Variants in PDE4D observed in about 807,000 individuals in gnomAD.
PDE4D encodes phosphodiesterase 4D.
PDE4D carries 24 observed loss-of-function variants against 87.4 expected under a neutral mutation model. That is an observed-to-expected ratio of 0.27 (90% CI 0.20 to 0.39). The LOEUF is 0.39. Ranked by LOEUF, PDE4D falls within the 10% of genes least tolerant of loss-of-function variation. The pLI, the probability that PDE4D is intolerant of heterozygous loss-of-function variation, is 1.00. For missense variants in PDE4D, 714 were observed against 1,041.0 expected (o/e 0.69, Z 4.32); for synonymous variants, 384 against 383.2 (o/e 1.00, Z -0.02).
chr5:59,573,570 A>G (rs929276398), intron 1 of PDE4D, among the ~76,000 whole-genome samples: 2 of 152,084 alleles, frequency 1.3e-5, no homozygotes, highest in African/African-American at 4.8e-5. Flanking sequence ...CCTCATCTCC[A>G]TCATTCTCAT....
At chr5:59,498,355 A>T (rs1355386656) in intron 1 of PDE4D, among the ~76,000 whole-genome samples, 1 of 151,154 alleles carries the variant, frequency 6.6e-6, no homozygotes, top group Non-Finnish European at 1.5e-5. Flanking sequence ...CAAAATTAAT[A>T]TTGATATGTG....
intron 1 of PDE4D, among the ~76,000 whole-genome samples, chr5:59,455,735 G>A (rs918745287): frequency 1.3e-5 from 2 of 152,224 alleles, no homozygotes; most frequent in African/African-American, 4.8e-5. Context: ...AAACAGCCAG[G>A]AAGGAGGCTG....
chr5:60,469,701 T>G (rs1747671096), intron 1 of PDE4D, among the ~76,000 whole-genome samples: 1 of 152,176 alleles, frequency 6.6e-6, no homozygotes, highest in African/African-American at 2.4e-5. Flanking sequence ...TGATATGTGA[T>G]CAGTGATCTC....
intron 5 of PDE4D, among the ~76,000 whole-genome samples, chr5:59,064,911 A>C (rs1379665654): frequency 6.6e-6 from 1 of 152,066 alleles, no homozygotes; most frequent in African/African-American, 2.4e-5. Flanking sequence ...AAGTAACTTG[A>C]TCCAGCAGTC....
chr5:60,513,364 T>C (rs1750659420), intron 1 of PDE4D, among the ~76,000 whole-genome samples: 1 of 152,110 alleles, frequency 6.6e-6, no homozygotes, highest in Non-Finnish European at 1.5e-5. Context: ...AGGAAATACA[T>C]GGCTGAATTT....
chr5:59,866,982 G>T lies in PDE4D; in HGVS notation c.455+26186C>A, dbSNP rs1200185060. Among the ~76,000 whole-genome samples the T allele has an allele frequency of 2.0e-5, 3 of 152,142 alleles. No homozygotes were observed. The East Asian group carries it at 5.8e-4, about 29-fold the overall frequency. ...GCAATATGTCCCAATCTTAATAAAA[G>T]TCCTCCTGAGCACGTATGAATTTAT... is the stretch of plus-strand genomic sequence containing the variant. On this transcript the variant is annotated intron_variant, in intron 1 of 14. Coordinates refer to ENST00000340635, the MANE Select transcript of PDE4D (RefSeq NM_001104631.2).
At chr5:59,217,162 T>C in intron 1 of PDE4D, 1 of 454,362 alleles carries the variant, frequency 2.2e-6, no homozygotes, top group Non-Finnish European at 4.4e-6. Context: ...TAGTGAAACA[T>C]CAACCAGTAT....
rs185754168 is a variant in PDE4D, at chr5:59,011,743, C to G, written c.922-18278G>C. On this transcript the variant is annotated intron_variant, in intron 6 of 14. Transcript: ENST00000340635. ...GGAAAACACTCTGCAGGATATTATC[C>G]AGGAGAAATTCCCCAACCTAGCAAG... Among the ~76,000 whole-genome samples the G allele has an allele frequency of 5.3e-4, 80 of 152,250 alleles. 2 individuals carry two copies. Among genetic ancestry groups the G allele is most frequent in the African/African-American group, 1.9e-3 (78 of 41,542 alleles).
At chr5:59,664,776 T>C (rs1206900110) in intron 1 of PDE4D, among the ~76,000 whole-genome samples, 1 of 152,198 alleles carries the variant, frequency 6.6e-6, no homozygotes, top group African/African-American at 2.4e-5. Flanking sequence ...GGTTGATAAG[T>C]CTAACCTTTC....
At chr5:60,387,612 T>G (rs1762281938) in intron 1 of PDE4D, among the ~76,000 whole-genome samples, 1 of 152,206 alleles carries the variant, frequency 6.6e-6, no homozygotes, top group Non-Finnish European at 1.5e-5. Flanking sequence ...CTGGGGACCT[T>G]GTTCTAGGGT....
chr5:59,849,113 T>C (rs917001828), intron 1 of PDE4D, among the ~76,000 whole-genome samples: 2 of 152,044 alleles, frequency 1.3e-5, no homozygotes, highest in African/African-American at 4.8e-5. Flanking sequence ...AAATCTAAAA[T>C]GTATTAAATT....
At chr5:59,032,492 T>C (rs1757740212) in intron 6 of PDE4D, among the ~76,000 whole-genome samples, 2 of 152,106 alleles carry the variant, frequency 1.3e-5, no homozygotes, top group South Asian at 2.1e-4. Flanking sequence ...GGCAGGAGAA[T>C]TGCTTGAACT....
chr5:60,211,274 T>G (rs1460693665), intron 1 of PDE4D, among the ~76,000 whole-genome samples: 1 of 152,168 alleles, frequency 6.6e-6, no homozygotes, highest in African/African-American at 2.4e-5. Flanking sequence ...TTGTGTGGAC[T>G]TTAACCAGTT....
intron 1 of PDE4D, among the ~76,000 whole-genome samples, chr5:59,730,242 G>A (rs1331544696): frequency 6.6e-6 from 1 of 152,032 alleles, no homozygotes; most frequent in African/African-American, 2.4e-5. Flanking sequence ...AGAAACCAAG[G>A]GAGAAGCAGG....
At chr5:59,835,363 C>A (rs1301774717) in intron 1 of PDE4D, among the ~76,000 whole-genome samples, 1 of 151,968 alleles carries the variant, frequency 6.6e-6, no homozygotes, top group African/African-American at 2.4e-5. Flanking sequence ...ATCCCTCAGG[C>A]AAATGCCTTT....
chr5:60,182,874 C>A (rs1321525815), intron 2 of PDE4D, among the ~76,000 whole-genome samples: 1 of 149,814 alleles, frequency 6.7e-6, no homozygotes. Flanking sequence ...AGCAAGACTC[C>A]GTCTCAGAAA....
intron 1 of PDE4D, among the ~76,000 whole-genome samples, chr5:60,520,856 G>A (rs188665326): frequency 1.3e-5 from 2 of 152,244 alleles, no homozygotes; most frequent in Non-Finnish European, 1.5e-5. Flanking sequence ...CAGAGTCCTG[G>A]CAGAGCAAGG....
intron 1 of PDE4D, among the ~76,000 whole-genome samples, chr5:59,802,622 C>T (rs1767277783): frequency 6.6e-6 from 1 of 152,024 alleles, no homozygotes; most frequent in African/African-American, 2.4e-5. Context: ...TGGTCTCGAT[C>T]TCCTGACCTC....
chr5:60,184,625 G>A (rs1239349244), intron 2 of PDE4D, among the ~76,000 whole-genome samples: 1 of 152,124 alleles, frequency 6.6e-6, no homozygotes, highest in Non-Finnish European at 1.5e-5. Context: ...ACACAGTTGG[G>A]CATACTATAC....
Sources: gnomAD v4.1 joint callset for allele counts (sites outside exome capture counted in the v4.1 genomes callset) on GRCh38, gnomAD v4.1.1 for gene constraint, MANE v1.5 for transcripts, NCBI Gene and HGNC (gene_info 2026-07-23, HGNC 2026-07-21) for gene names.